GUCY1A2: variants seen among roughly 807,000 people sequenced by gnomAD.
The protein encoded by GUCY1A2 is guanylate cyclase 1 soluble subunit alpha 2.
In GUCY1A2, 27 loss-of-function variants were observed where a neutral mutation model predicts 63.5. That is an observed-to-expected ratio of 0.43 (90% CI 0.31 to 0.59). The LOEUF (loss-of-function observed/expected upper bound fraction) is 0.59, where lower values mean the gene tolerates loss of function less well. Among genes scored for constraint, GUCY1A2 ranks in the 20% least tolerant of loss-of-function variants. GUCY1A2 has a pLI of 0.11. For synonymous variants in GUCY1A2, 364 were observed against 343.5 expected (o/e 1.06, Z -0.66); for missense variants, 768 against 913.3 (o/e 0.84, Z 2.05).
At chr11:106,943,612 C>T (rs139103844) in intron 3 of GUCY1A2, among the ~76,000 whole-genome samples, 2 of 152,286 alleles carry the variant, frequency 1.3e-5, no homozygotes, top group Non-Finnish European at 2.9e-5. Context: ...TTTATGTCTG[C>T]GTATCTATCA....
rs1318120621 is a variant in GUCY1A2 at position 106,745,874 on chromosome 11, C to G, written c.1836+30565G>C. ...GGGATATATTTTGAGCCCAGCAAAT[C>G]TGTGCTATCTAATGTAACTTTTTCA... is the stretch of plus-strand genomic sequence containing the variant. On this transcript the variant is annotated intron_variant, in intron 6 of 7. Transcript: ENST00000526355. Among the ~76,000 whole-genome samples, 8 of 152,312 alleles carry G rather than the reference C, an allele frequency of 5.3e-5. No individual in the cohort carries two copies. The South Asian group carries it at 1.0e-3, about 20-fold the overall frequency.
intron 3 of GUCY1A2, among the ~76,000 whole-genome samples, chr11:106,950,325 C>A (rs557478943): frequency 6.6e-6 from 1 of 152,292 alleles, no homozygotes; most frequent in African/African-American, 2.4e-5. Context: ...AGAGAAGACA[C>A]AAAGCCAGCA....
intron 6 of GUCY1A2, among the ~76,000 whole-genome samples, chr11:106,709,291 ATTTATATT>A (rs1565264569): frequency 3.9e-5 from 2 of 51,472 alleles, no homozygotes; most frequent in African/African-American, 1.3e-4. Context: ...ATTTATATAT[ATTTATATT>A]TTTATATTTA....
intron 6 of GUCY1A2, among the ~76,000 whole-genome samples, chr11:106,734,337 T>G (rs1863553273): frequency 6.6e-6 from 1 of 152,146 alleles, no homozygotes. Flanking sequence ...GCCTCTGCCC[T>G]TAGCCTGCCT....
intron 5 of GUCY1A2, among the ~76,000 whole-genome samples, chr11:106,805,782 A>G (rs997395097): frequency 1.3e-5 from 2 of 152,158 alleles, no homozygotes; most frequent in Admixed American, 6.5e-5. Flanking sequence ...TACAGAATCA[A>G]TAACTGTAGT....
intron 4 of GUCY1A2, among the ~76,000 whole-genome samples, chr11:106,840,121 GTCCC>G (rs1374145358): frequency 6.6e-6 from 1 of 151,848 alleles, no homozygotes; most frequent in Non-Finnish European, 1.5e-5. Flanking sequence ...TTTCAGTTGT[GTCCC>G]TCCATCTATA....
At chr11:106,851,986 G>T (rs1419395061) in intron 4 of GUCY1A2, among the ~76,000 whole-genome samples, 1 of 151,852 alleles carries the variant, frequency 6.6e-6, no homozygotes, top group South Asian at 2.1e-4. Context: ...CATGAGCAAG[G>T]GATGTCATTC....
intron 5 of GUCY1A2, among the ~76,000 whole-genome samples, chr11:106,786,464 A>G (rs2135409296): frequency 6.6e-6 from 1 of 152,346 alleles, no homozygotes; most frequent in South Asian, 2.1e-4. Flanking sequence ...ATGACTGTCT[A>G]TCACAGAAAG....
intron 4 of GUCY1A2, among the ~76,000 whole-genome samples, chr11:106,907,488 C>T (rs376021617): frequency 6.6e-6 from 1 of 151,834 alleles, no homozygotes; most frequent in African/African-American, 2.4e-5. Context: ...ATGTGCCATG[C>T]TGGTGTGCTG....
chr11:106,967,525 G>T (rs555489071), intron 3 of GUCY1A2, among the ~76,000 whole-genome samples: 2 of 152,000 alleles, frequency 1.3e-5, no homozygotes, highest in Non-Finnish European at 2.9e-5. Flanking sequence ...ATAAAGGGAG[G>T]GATTTATCTA....
intron 3 of GUCY1A2, among the ~76,000 whole-genome samples, chr11:106,970,309 C>T (rs1322753945): frequency 6.6e-6 from 1 of 152,130 alleles, no homozygotes; most frequent in Non-Finnish European, 1.5e-5. Flanking sequence ...ATTCCAGGAA[C>T]TTATTGTTAC....
chr11:106,913,836 T>C (rs777962857), intron 4 of GUCY1A2, among the ~76,000 whole-genome samples: 1 of 151,882 alleles, frequency 6.6e-6, no homozygotes, highest in African/African-American at 2.4e-5. Context: ...TAGGGGAAAA[T>C]ACCTTATGCT....
At chr11:106,898,031 C>A (rs1440527508) in intron 4 of GUCY1A2, among the ~76,000 whole-genome samples, 1 of 151,986 alleles carries the variant, frequency 6.6e-6, no homozygotes, top group Non-Finnish European at 1.5e-5. Flanking sequence ...AAAAACAGAA[C>A]AAATATCTTA....
chr11:106,843,644 C>T (rs1278238227), intron 4 of GUCY1A2, among the ~76,000 whole-genome samples: 4 of 151,816 alleles, frequency 2.6e-5, no homozygotes, highest in Non-Finnish European at 5.9e-5. Flanking sequence ...CTTCTTCAAA[C>T]ACTTGGAAAT....
intron 7 of GUCY1A2, among the ~76,000 whole-genome samples, chr11:106,691,336 A>C (rs1248594536): frequency 6.6e-6 from 1 of 152,254 alleles, no homozygotes; most frequent in Non-Finnish European, 1.5e-5. Flanking sequence ...GATGATGACT[A>C]TGGATTTAAG....
chr11:106,852,452 C>CA (rs1169873131), intron 4 of GUCY1A2, among the ~76,000 whole-genome samples: 1 of 152,072 alleles, frequency 6.6e-6, no homozygotes, highest in African/African-American at 2.4e-5. Context: ...ATGGGTTTGT[C>CA]ATATATGACC....
chr11:106,826,469 A>C (rs1474021118), intron 4 of GUCY1A2: 4 of 1,592,200 alleles, frequency 2.5e-6, no homozygotes, highest in Non-Finnish European at 2.6e-6. Context: ...ATTTGGTTTA[A>C]GATTAGGTTT....
chr11:106,758,358 C>T lies in GUCY1A2; in HGVS notation c.1836+18081G>A, dbSNP rs533546035. ...GGTTGCGAACACAGTGGGAAAAGTG[C>T]AGTATTTGGGTAGGAGTGTATCATT... On this transcript the variant is annotated intron_variant, in intron 6 of 7. Coordinates refer to ENST00000526355, the MANE Select transcript of GUCY1A2 (RefSeq NM_000855.3). Among the ~76,000 whole-genome samples, 3 of 152,294 alleles carry T rather than the reference C, an allele frequency of 2.0e-5. No individual in the cohort carries two copies. The South Asian group carries it at 6.2e-4, about 32-fold the overall frequency.
At chr11:106,694,439 A>G (rs1862679880) in intron 7 of GUCY1A2, among the ~76,000 whole-genome samples, 1 of 152,152 alleles carries the variant, frequency 6.6e-6, no homozygotes, top group African/African-American at 2.4e-5. Context: ...CCTAGCTACT[A>G]TGGTTCTGAG....
Sources: gnomAD v4.1 joint callset for allele counts (sites outside exome capture counted in the v4.1 genomes callset) on GRCh38, gnomAD v4.1.1 for gene constraint, MANE v1.5 for transcripts, NCBI Gene and HGNC (gene_info 2026-07-23, HGNC 2026-07-21) for gene names.